Variants in LIN28B observed in about 807,000 individuals in gnomAD.
LIN28B encodes lin-28 RNA binding posttranscriptional regulator B.
Under a neutral mutation model 21.9 loss-of-function variants are expected in LIN28B, and 5 were observed. The observed-to-expected ratio is 0.23, with a 90% CI of 0.12 to 0.48. The LOEUF is 0.48. Ranked by LOEUF, LIN28B falls within the 20% of genes least tolerant of loss-of-function variation. The pLI is 0.98. For missense variants in LIN28B, 245 were observed against 310.5 expected, an observed-to-expected ratio of 0.79 and a Z score of 1.58; for synonymous variants, 109 against 111.3, an observed-to-expected ratio of 0.98 and a Z score of 0.13.
intron 3 of LIN28B, among the ~76,000 whole-genome samples, chr6:105,062,655 G>C (rs970655246): frequency 1.4e-4 from 22 of 151,794 alleles, no homozygotes; most frequent in African/African-American, 5.3e-4. Flanking sequence ...AATGATCCTG[G>C]AACATACCTA....
chr6:105,042,499 T>C (rs1582913741), intron 3 of LIN28B, among the ~76,000 whole-genome samples: 2 of 152,356 alleles, frequency 1.3e-5, no homozygotes, highest in East Asian at 3.9e-4. Context: ...TAGCTATTAG[T>C]GCTCCTAAAG....
chr6:104,939,611 T>C (rs529166813), intron 2 of LIN28B: 1 of 152,324 alleles, frequency 6.6e-6, no homozygotes, highest in East Asian at 1.9e-4. Context: ...ACAGCAACGG[T>C]TTGGAGATTT....
At chr6:105,028,530 A>G (rs1291250332) in intron 3 of LIN28B, among the ~76,000 whole-genome samples, 1 of 152,150 alleles carries the variant, frequency 6.6e-6, no homozygotes, top group African/African-American at 2.4e-5. Context: ...GAGACCATAG[A>G]ATTTACTGAT....
chr6:104,943,371 T>C (rs1209445143), intron 2 of LIN28B, among the ~76,000 whole-genome samples: 1 of 152,142 alleles, frequency 6.6e-6, no homozygotes, highest in Admixed American at 6.5e-5. Context: ...AAATAAGTTA[T>C]TAAATAAAAC....
intron 3 of LIN28B, among the ~76,000 whole-genome samples, chr6:105,075,565 C>A (rs190642025): frequency 6.6e-6 from 1 of 152,274 alleles, no homozygotes; most frequent in Admixed American, 6.5e-5. Flanking sequence ...AAAGTCTGGC[C>A]TAATGATAGC....
At chr6:104,965,707 C>G (rs1245593771) in intron 2 of LIN28B, among the ~76,000 whole-genome samples, 1 of 152,060 alleles carries the variant, frequency 6.6e-6, no homozygotes, top group Non-Finnish European at 1.5e-5. Flanking sequence ...TTTAAAGTAT[C>G]AGGGTGTAAA....
intron 3 of LIN28B, among the ~76,000 whole-genome samples, chr6:105,034,374 C>T (rs567743704): frequency 2.1e-4 from 32 of 151,802 alleles, no homozygotes; most frequent in South Asian, 8.3e-4. Context: ...TTTATAACTA[C>T]GTTAGTATGA....
At chr6:105,054,845 C>CTTTT (rs11392418) in intron 3 of LIN28B, among the ~76,000 whole-genome samples, 4 of 137,404 alleles carry the variant, frequency 2.9e-5, no homozygotes, top group African/African-American at 1.1e-4. Context: ...ACCTGAACAA[C>CTTTT]TTTTTTTTTT....
chr6:105,082,203 C>T lies in LIN28B; in HGVS notation c.*3420C>T, dbSNP rs1304433857. The T allele has an allele frequency of 6.6e-6, 1 of 152,590 alleles. No homozygotes were observed. Among genetic ancestry groups the T allele is most frequent in the African/African-American group, 2.4e-5 (1 of 41,446 alleles). The allele number at this position is 152,590 out of a possible 1,614,324, so 9.5% of individuals were successfully genotyped here. A position where few individuals can be genotyped will look rare whatever the true frequency, so the allele number is the denominator to read the frequency against. ...AAAGATTTAGAAAGATTTTTACCTG[C>T]TTATAACTTGGAAGTTTAGAGTGCA... On this transcript the variant is annotated 3_prime_UTR_variant, in exon 4 of 4. Coordinates refer to ENST00000345080, the MANE Select transcript of LIN28B (RefSeq NM_001004317.4).
chr6:105,023,311 AT>A (rs371283566), intron 2 of LIN28B, among the ~76,000 whole-genome samples: 2 of 27,974 alleles, frequency 7.1e-5, no homozygotes, highest in Non-Finnish European at 1.3e-4. Flanking sequence ...ATATATAATT[AT>A]ATTATATATA....
intron 2 of LIN28B, among the ~76,000 whole-genome samples, chr6:104,983,411 C>T (rs192444358): frequency 3.5e-4 from 54 of 152,308 alleles, no homozygotes; most frequent in South Asian, 4.1e-4. Flanking sequence ...CTACTAGTAG[C>T]GTCTGGGAAT....
chr6:104,998,724 A>G (rs1770662979), intron 2 of LIN28B, among the ~76,000 whole-genome samples: 1 of 152,168 alleles, frequency 6.6e-6, no homozygotes, highest in Non-Finnish European at 1.5e-5. Context: ...TTTATTCCAA[A>G]TATATTTTAA....
rs1291058828 is a variant in LIN28B at position 105,079,749 on chromosome 6, CT to C, written c.*967del. Reference sequence around the variant, plus strand: ...AGCAGGGAGCCCTCCTTATTTACTACTGAAGACCTTAGAGAACTCCAATTGT... The same window carrying C: ...AGCAGGGAGCCCTCCTTATTTACTACGAAGACCTTAGAGAACTCCAATTGT... On this transcript the variant is annotated 3_prime_UTR_variant, in exon 4 of 4. Coordinates refer to ENST00000345080, the MANE Select transcript of LIN28B (RefSeq NM_001004317.4). The C allele has an allele frequency of 6.6e-6, 1 of 152,212 alleles. No individual in the cohort carries two copies. Among genetic ancestry groups the C allele is most frequent in the African/African-American group, 2.4e-5 (1 of 41,448 alleles). The allele number at this position is 152,212 out of a possible 1,614,324, so 9.4% of individuals were successfully genotyped here. A position where few individuals can be genotyped will look rare whatever the true frequency, so the allele number is the denominator to read the frequency against.
intron 2 of LIN28B, among the ~76,000 whole-genome samples, chr6:104,989,862 G>A (rs1038626128): frequency 6.6e-6 from 1 of 151,858 alleles, no homozygotes; most frequent in South Asian, 2.1e-4. Flanking sequence ...AAAGTGCTAG[G>A]ATTACTACAA....
At chr6:104,988,306 C>T (rs115534917) in intron 2 of LIN28B, among the ~76,000 whole-genome samples, 223 of 152,140 alleles carry the variant, frequency 1.5e-3, no homozygotes, top group African/African-American at 5.2e-3. Context: ...GATGACCTTA[C>T]GGTACTTGGC....
intron 2 of LIN28B, among the ~76,000 whole-genome samples, chr6:104,983,342 G>A (rs1427562794): frequency 6.6e-6 from 1 of 152,166 alleles, no homozygotes; most frequent in African/African-American, 2.4e-5. Context: ...TTTGGTTGGG[G>A]TAGGTTCTGT....
intron 2 of LIN28B, among the ~76,000 whole-genome samples, chr6:104,989,381 GCTGA>G (rs1203945549): frequency 2.0e-5 from 3 of 151,870 alleles, no homozygotes; most frequent in East Asian, 2.0e-4. Context: ...CACCACCATG[GCTGA>G]CTAATTTTTG....
At chr6:105,031,601 T>C (rs1207924547) in intron 3 of LIN28B, among the ~76,000 whole-genome samples, 2 of 151,760 alleles carry the variant, frequency 1.3e-5, no homozygotes, top group Non-Finnish European at 2.9e-5. Flanking sequence ...TGGCGCAGTC[T>C]TGGCTCACTG....
intron 2 of LIN28B, among the ~76,000 whole-genome samples, chr6:105,001,655 G>A (rs1037758418): frequency 1.3e-5 from 2 of 152,172 alleles, no homozygotes; most frequent in African/African-American, 2.4e-5. Flanking sequence ...AGTGAACTGC[G>A]ATGAACAAAT....
Sources: allele counts gnomAD v4.1 joint callset (sites outside exome capture counted in the v4.1 genomes callset), GRCh38; gene constraint gnomAD v4.1.1; transcripts MANE v1.5; gene names NCBI Gene and HGNC (gene_info 2026-07-23, HGNC 2026-07-21).